STK10: variants seen among roughly 807,000 people sequenced by gnomAD.
The protein encoded by STK10 is serine/threonine-protein kinase 10.
A neutral mutation model predicts 113.8 loss-of-function variants in STK10; 78 were observed. The ratio of observed to expected loss-of-function variants is 0.69; its 90% CI spans 0.57 to 0.83. The LOEUF (loss-of-function observed/expected upper bound fraction) is 0.83, where lower values mean the gene tolerates loss of function less well. STK10 is among the 40% of genes least tolerant of loss of function. STK10 has a pLI of 0.00. For synonymous variants in STK10, 465 were observed against 494.7 expected (o/e 0.94, Z 0.80); for missense variants, 1,109 against 1,280.1 (o/e 0.87, Z 2.04).
At chr5:172,141,805 C>T (rs17570604) in intron 2 of STK10, among the ~76,000 whole-genome samples, 12,153 of 152,092 alleles carry the variant, frequency 0.08, 633 homozygotes, top group South Asian at 0.15. Flanking sequence ...CTGTAATCGC[C>T]GGCTTTCTTC....
At position 172,127,861 on chromosome 5, in the gene STK10, C is replaced by T. The variant is rs920558038; in HGVS notation, c.322-440G>A. ...TCAGAATCCCAGCACCTGTCTCAGG[C>T]TCTCTCCATCTTCCAGAACCCTGGA... On this transcript the variant is annotated intron_variant, in intron 2 of 18. Coordinates refer to ENST00000176763, the MANE Select transcript of STK10 (RefSeq NM_005990.4). 2.0e-5 allele frequency among the ~76,000 whole-genome samples: 3 copies of T among 152,336 alleles called. No individual in the cohort carries two copies. The East Asian group carries it at 5.8e-4, about 29-fold the overall frequency.
chr5:172,181,244 T>G (rs1243851824), intron 1 of STK10, among the ~76,000 whole-genome samples: 1 of 152,222 alleles, frequency 6.6e-6, no homozygotes, highest in African/African-American at 2.4e-5. Flanking sequence ...GTATTTCTTC[T>G]CCACGTAACT....
intron 7 of STK10, among the ~76,000 whole-genome samples, chr5:172,101,120 A>G (rs983316292): frequency 1.3e-5 from 2 of 152,200 alleles, no homozygotes; most frequent in African/African-American, 4.8e-5. Context: ...TTTGCTAAGT[A>G]TTTATAATCG....
intron 18 of STK10, among the ~76,000 whole-genome samples, chr5:172,048,849 T>TACCTCCTATCACCTCCC (rs1248454055): frequency 2.0e-5 from 3 of 151,952 alleles, no homozygotes; most frequent in African/African-American, 7.3e-5. Context: ...CCTCTGACTT[T>TACCTCCTATCACCTCCC]ACCTCCTATC....
At chr5:172,089,668 T>C (rs1332386242) in intron 10 of STK10, among the ~76,000 whole-genome samples, 1 of 151,404 alleles carries the variant, frequency 6.6e-6, no homozygotes, top group Non-Finnish European at 1.5e-5. Context: ...AAGGATGGAA[T>C]GGTGAGTGAG....
intron 1 of STK10, among the ~76,000 whole-genome samples, chr5:172,164,806 GCTGT>G (rs533600862): frequency 1.7e-3 from 264 of 152,324 alleles, no homozygotes; most frequent in African/African-American, 6.1e-3. Flanking sequence ...AGAACAAGCG[GCTGT>G]CTGTGGCCTC....
intron 7 of STK10, among the ~76,000 whole-genome samples, chr5:172,105,244 G>A (rs925944273): frequency 1.2e-4 from 18 of 145,484 alleles, no homozygotes; most frequent in African/African-American, 4.6e-4. Flanking sequence ...CTCTCCCTCT[G>A]GGCCACTGGC....
chr5:172,175,720 C>T (rs1041171064), intron 1 of STK10, among the ~76,000 whole-genome samples: 6 of 152,286 alleles, frequency 3.9e-5, no homozygotes, highest in South Asian at 4.1e-4. Context: ...CGCACTGAAG[C>T]GACCGTGGAC....
In STK10 at chr5:172,188,130, G is replaced by A; in HGVS notation, c.-88C>T. On this transcript the variant is annotated 5_prime_UTR_variant, in exon 1 of 19. Coordinates refer to ENST00000176763, the MANE Select transcript of STK10 (RefSeq NM_005990.4). This position sits in a 1 kb window ranked among gnomAD's most constrained non-coding sequence, Gnocchi z 5.6. Reference sequence around the variant, plus strand: ...CCGCGAGGAGAAGGAGGAGGAGTTGGAGGACGCCGCGTCTCTCGGGGTTCT... The same window carrying A: ...CCGCGAGGAGAAGGAGGAGGAGTTGAAGGACGCCGCGTCTCTCGGGGTTCT... 5.3e-6 allele frequency: 8 copies of A among 1,520,028 alleles called. No individual in the cohort carries two copies. In the South Asian group the frequency reaches 7.5e-5, roughly 14 times the overall value. 94.2% of individuals were successfully genotyped at this position (1,520,028 alleles called of 1,614,324 possible). A position where few individuals can be genotyped will look rare whatever the true frequency, so the allele number is the denominator to read the frequency against.
At chr5:172,119,028 C>T (rs1005793128) in intron 3 of STK10, among the ~76,000 whole-genome samples, 14 of 151,856 alleles carry the variant, frequency 9.2e-5, no homozygotes, top group Admixed American at 7.2e-4. Flanking sequence ...TATGCGGATG[C>T]GGAAGGGCCA....
chr5:172,116,015 G>T (rs561908441), intron 4 of STK10, among the ~76,000 whole-genome samples: 78 of 152,298 alleles, frequency 5.1e-4, no homozygotes, highest in African/African-American at 1.8e-3. Context: ...GGCTAAAGTG[G>T]TGGTCATGCT....
chr5:172,069,101 AAAT>A (rs1302581928), intron 12 of STK10, among the ~76,000 whole-genome samples: 2 of 152,080 alleles, frequency 1.3e-5, no homozygotes, highest in Admixed American at 6.6e-5. Flanking sequence ...ATGAATTAAA[AAAT>A]AATACTAAAA....
intron 2 of STK10, among the ~76,000 whole-genome samples, chr5:172,128,342 C>CTTTT (rs796522947): frequency 7.4e-6 from 1 of 135,774 alleles, no homozygotes; most frequent in Non-Finnish European, 1.6e-5. Context: ...TTCTTCTTTC[C>CTTTT]TTTTTTTTTT....
intron 2 of STK10, among the ~76,000 whole-genome samples, chr5:172,143,466 C>G (rs1437813471): frequency 1.3e-5 from 2 of 152,212 alleles, no homozygotes; most frequent in Non-Finnish European, 2.9e-5. Flanking sequence ...GGGCCTGGAT[C>G]CCCTCACCTC....
At position 172,064,789 on chromosome 5, in the gene STK10, G is replaced by A. The variant is rs1265646092; in HGVS notation, c.2013C>T (p.Leu671=). The change falls in exon 13 of 19, where the codon CTC becomes CTT. Residue 671 remains leucine (L), a synonymous_variant. Coordinates refer to ENST00000176763, the MANE Select transcript of STK10 (RefSeq NM_005990.4). The part of the protein sequence containing the change: ...KKEVKNEVEK[L]PRQQRKESMK... The stretch of plus-strand genomic sequence containing the variant: ...TGCTTTCCTTCCGCTGCTGTCGGGG[G>A]AGCTTCTCCACCTCGTTCTTCACCT... 9 of 1,613,876 alleles carry A rather than the reference G, an allele frequency of 5.6e-6. No individual in the cohort carries two copies. Among genetic ancestry groups the A allele is most frequent in the Non-Finnish European group, 7.6e-6 (9 of 1,179,966 alleles).
chr5:172,182,196 G>A (rs999547506), intron 1 of STK10, among the ~76,000 whole-genome samples: 12 of 151,294 alleles, frequency 7.9e-5, no homozygotes, highest in Admixed American at 6.6e-5. Context: ...CCAGCTACTT[G>A]GGAGGCTGAG....
rs186483449 is a variant in STK10 at position 172,175,952 on chromosome 5, T to C, written c.156+11935A>G. Reference sequence around the variant, plus strand: ...ACGAGAAGAATAAATGATGGACATGTAGGAACTGAGCAAAAGTCAACTCCC... The same window carrying C: ...ACGAGAAGAATAAATGATGGACATGCAGGAACTGAGCAAAAGTCAACTCCC... On this transcript the variant is annotated intron_variant, in intron 1 of 18. Coordinates refer to ENST00000176763, the MANE Select transcript of STK10 (RefSeq NM_005990.4). 5.9e-5 allele frequency among the ~76,000 whole-genome samples: 9 copies of C among 152,298 alleles called. No individual in the cohort carries two copies. In the East Asian group the frequency reaches 9.7e-4, roughly 16 times the overall value.
intron 3 of STK10, among the ~76,000 whole-genome samples, chr5:172,118,878 C>CAAAAAA (rs3028101): frequency 7.0e-5 from 5 of 71,302 alleles, no homozygotes; most frequent in African/African-American, 1.0e-4. Context: ...GACTCAGTCT[C>CAAAAAA]AAAAAAAAAA....
At chr5:172,154,302 A>C (rs892267775) in intron 2 of STK10, among the ~76,000 whole-genome samples, 2 of 152,216 alleles carry the variant, frequency 1.3e-5, no homozygotes, top group African/African-American at 4.8e-5. Flanking sequence ...AGATGGAGGG[A>C]TAAGTCTTCA....
Sources: gnomAD v4.1 joint callset for allele counts (sites outside exome capture counted in the v4.1 genomes callset) on GRCh38, gnomAD v4.1.1 for gene constraint, Gnocchi (gnomAD v3.1) non-coding constraint, MANE v1.5 for transcripts, NCBI Gene and HGNC (gene_info 2026-07-23, HGNC 2026-07-21) for gene names.